DENND11: variants seen among roughly 807,000 people sequenced by gnomAD.
DENND11 encodes the protein DENN domain-containing protein 11.
A neutral mutation model predicts 49.2 loss-of-function variants in DENND11; 34 were observed. The ratio of observed to expected loss-of-function variants is 0.69; its 90% CI spans 0.53 to 0.92. DENND11 has a LOEUF of 0.92. DENND11 is among the 40% of genes least tolerant of loss of function. The pLI, the probability that DENND11 is intolerant of heterozygous loss-of-function variation, is 0.00. For missense variants in DENND11, 475 were observed against 581.6 expected, an observed-to-expected ratio of 0.82 and a Z score of 1.88; for synonymous variants, 238 against 230.3, an observed-to-expected ratio of 1.03 and a Z score of -0.30.
intron 7 of DENND11, 60 bp downstream of exon 7, chr7:141,664,844 C>G: frequency 6.5e-7 from 1 of 1,532,946 alleles, no homozygotes; most frequent in Non-Finnish European, 8.8e-7. Flanking sequence ...GCAGAGACCC[C>G]CATGCTGGAG....
chr7:141,666,505 C>T, intron 4 of DENND11, 80 bp from the exon 5 acceptor site: 1 of 1,332,508 alleles, frequency 7.5e-7, no homozygotes, highest in Non-Finnish European at 1.0e-6. Context: ...ATCTAATCTC[C>T]TTCTCTGAAA....
At chr7:141,688,559 A>G (rs1563003673) in intron 1 of DENND11, among the ~76,000 whole-genome samples, 1 of 152,240 alleles carries the variant, frequency 6.6e-6, no homozygotes, top group Non-Finnish European at 1.5e-5. Context: ...GAACAATGTT[A>G]TGTTTGTCAG....
chr7:141,700,258 G>A (rs566479846), intron 1 of DENND11, among the ~76,000 whole-genome samples: 7 of 152,250 alleles, frequency 4.6e-5, no homozygotes, highest in African/African-American at 1.4e-4. Flanking sequence ...CTGTTTACCT[G>A]TAAATGATGG....
In DENND11 at chr7:141,662,432, C is replaced by T; in HGVS notation, c.*224G>A. On this transcript the variant is annotated 3_prime_UTR_variant, in exon 9 of 9. Transcript: ENST00000536163. ...GACCAGCAGCTCTGGGAGAAAGTGG[C>T]AGATTCCAATATCCTAACATGGCAG... 2.4e-6 allele frequency: 1 copy of T among 421,078 alleles called. No individual in the cohort carries two copies. Among genetic ancestry groups the T allele is most frequent in the Non-Finnish European group, 4.2e-6 (1 of 240,456 alleles). 26.1% of individuals were successfully genotyped at this position (421,078 alleles called of 1,614,324 possible).
rs139962450 is a variant in DENND11 at position 141,679,589 on chromosome 7, G to A, written c.528-5369C>T. ...TAGCCAGGCGTGGTGACACATGCCT[G>A]TAATCCCAGCTACTCTGGAGGCTGA... On this transcript the variant is annotated intron_variant, in intron 3 of 8. Coordinates refer to ENST00000536163, the MANE Select transcript of DENND11 (RefSeq NM_001080392.2). Among the ~76,000 whole-genome samples, 81 of 152,018 alleles carry A rather than the reference G, an allele frequency of 5.3e-4. 1 individual carries two copies. Among genetic ancestry groups the A allele is most frequent in the African/African-American group, 1.7e-3 (72 of 41,442 alleles).
intron 2 of DENND11, 122 bp downstream of exon 2, chr7:141,686,437 T>A: frequency 1.5e-6 from 1 of 652,374 alleles, no homozygotes; most frequent in Non-Finnish European, 2.8e-6. Context: ...AAACTATCCA[T>A]GTATTTTCAA....
intron 3 of DENND11, among the ~76,000 whole-genome samples, chr7:141,683,199 G>A (rs1798174998): frequency 5.9e-5 from 9 of 151,798 alleles, no homozygotes; most frequent in Admixed American, 5.9e-4. Context: ...ATGCATCATG[G>A]GTATTCCTGG....
chr7:141,676,596 T>A (rs550317900), intron 3 of DENND11, among the ~76,000 whole-genome samples: 40 of 152,290 alleles, frequency 2.6e-4, no homozygotes, highest in African/African-American at 9.4e-4. Context: ...AAAATACAAA[T>A]TGGCAGTTCC....
chr7:141,672,305 G>C (rs1024103994), intron 4 of DENND11, among the ~76,000 whole-genome samples: 1 of 152,182 alleles, frequency 6.6e-6, no homozygotes, highest in Non-Finnish European at 1.5e-5. Flanking sequence ...ATCCCCTCTT[G>C]CTCTTGAGTA....
rs924477303 is a variant in DENND11 at position 141,660,359 on chromosome 7, C to T, written c.*2297G>A. ...CTGGCACGTTCTCCTCTGGGGCCAC[C>T]CATACCCTGGCCCTCTGCATGAGCA... On this transcript the variant is annotated 3_prime_UTR_variant, in exon 9 of 9. Coordinates refer to ENST00000536163, the MANE Select transcript of DENND11 (RefSeq NM_001080392.2). 1 of 152,216 alleles carries T rather than the reference C, an allele frequency of 6.6e-6. No homozygotes were observed. Among genetic ancestry groups the T allele is most frequent in the Non-Finnish European group, 1.5e-5 (1 of 68,076 alleles). The allele number at this position is 152,216 out of a possible 1,614,324, so 9.4% of individuals were successfully genotyped here.
rs545470791 is a variant in DENND11, at chr7:141,665,234, T to G, written c.905A>C (p.Asn302Thr). Residue 302 changes from asparagine (N) to threonine (T), a missense_variant, in exon 6 of 9, where the codon AAC (asparagine) becomes ACC (threonine). Asn to Thr is a moderately conservative substitution (Grantham distance 65). Transcript: ENST00000536163. ...CTCCAGGCTCTCGATGTCAGCCACG[T>G]TCACGTAGAAGAAAGGTTTGGACTC... ...IPESKPFFYV[N>T]VADIESLEVE... 3 of 1,613,552 alleles carry G rather than the reference T, an allele frequency of 1.9e-6. No individual in the cohort carries two copies. The East Asian group carries it at 6.7e-5, about 36-fold the overall frequency.
intron 4 of DENND11, among the ~76,000 whole-genome samples, chr7:141,670,506 A>C (rs990254060): frequency 6.6e-6 from 1 of 152,222 alleles, no homozygotes; most frequent in African/African-American, 2.4e-5. Flanking sequence ...CCATTGTATG[A>C]GGTATTATAA....
At chr7:141,669,806 G>A (rs1171260367) in intron 4 of DENND11, among the ~76,000 whole-genome samples, 2 of 127,322 alleles carry the variant, frequency 1.6e-5, no homozygotes, top group African/African-American at 5.2e-5. Context: ...TATCATACAT[G>A]CTATTTTTTT....
At chr7:141,663,737 G>C (rs1484924427) in intron 8 of DENND11, 2 of 156,660 alleles carry the variant, frequency 1.3e-5, no homozygotes, top group East Asian at 3.7e-4. Flanking sequence ...AGGTGGAAAG[G>C]CCCTGGCTTC....
In DENND11 at chr7:141,674,129, T is replaced by C; in HGVS notation, c.619A>G (p.Ser207Gly). 7 of 1,595,886 alleles carry C rather than the reference T, an allele frequency of 4.4e-6. No homozygotes were observed. The South Asian group carries it at 4.6e-5, about 10-fold the overall frequency. ...GVLHAGPGRG[S>G]SLPPVYWLPS... ...AGCCAGTAGACAGGGGGCAGGCTGCTGCCTCTGCCGGGACCAGCATGGAGC... is the reference window on the plus strand; with the variant it reads ...AGCCAGTAGACAGGGGGCAGGCTGCCGCCTCTGCCGGGACCAGCATGGAGC... The change falls in exon 4 of 9, where the codon AGC becomes GGC. Residue 207 changes from serine (S) to glycine (G), a missense_variant. Ser to Gly is a moderately conservative substitution (Grantham distance 56). Coordinates refer to ENST00000536163, the MANE Select transcript of DENND11 (RefSeq NM_001080392.2).
chr7:141,670,017 A>T (rs1417851105), intron 4 of DENND11, among the ~76,000 whole-genome samples: 1 of 150,500 alleles, frequency 6.6e-6, no homozygotes, highest in South Asian at 2.1e-4. Context: ...TCACCGTGTT[A>T]GCCAGGATGG....
Position 141,686,559 on chromosome 7 carries a change from A to G in DENND11, c.368T>C (p.Ile123Thr), listed in dbSNP as rs755255981. 5.6e-6 allele frequency: 9 copies of G among 1,597,252 alleles called. No individual in the cohort carries two copies. Among genetic ancestry groups the G allele is most frequent in the African/African-American group, 2.7e-5 (2 of 74,634 alleles). Residue 123 changes from isoleucine (I) to threonine (T), a missense_variant and splice_region_variant, in exon 2 of 9, where the codon ATC becomes ACC. Ile to Thr is a moderately conservative substitution (Grantham distance 89, BLOSUM62 -1). Transcript: ENST00000536163. ...SGSHKIQSDFIYFRKGPFFGL... is the reference protein window; with the variant it reads ...SGSHKIQSDFTYFRKGPFFGL... Reference sequence around the variant, plus strand: ...ATGACTCCAGTTCAGAAGTACTTACATGAAATCAGATTGGATTTTATGGGA... The same window carrying G: ...ATGACTCCAGTTCAGAAGTACTTACGTGAAATCAGATTGGATTTTATGGGA...
In DENND11 at chr7:141,698,836, CCTCT is replaced by C. The variant is rs1281917504; in HGVS notation, c.268+3046_268+3049del. On this transcript the variant is annotated intron_variant, in intron 1 of 8. Transcript: ENST00000536163. ...ATTCTCTTCTTCCTCTTTCACTCTC[CCTCT>C]CTCTCAGGCACACACACTGATTTGG... is the stretch of plus-strand genomic sequence containing the variant. Among the ~76,000 whole-genome samples the C allele has an allele frequency of 3.3e-5, 5 of 152,198 alleles. No homozygotes were observed. In the Middle Eastern group the frequency reaches 0.01, roughly 311 times the overall value.
intron 1 of DENND11, among the ~76,000 whole-genome samples, chr7:141,693,837 A>C (rs1237620458): frequency 1.3e-5 from 2 of 152,214 alleles, no homozygotes; most frequent in African/African-American, 4.8e-5. Context: ...GGAGGGATGA[A>C]TAGGTCAAGC....
Sources: gnomAD v4.1 joint callset for allele counts (sites outside exome capture counted in the v4.1 genomes callset) on GRCh38, gnomAD v4.1.1 for gene constraint, MANE v1.5 for transcripts, NCBI Gene and HGNC (gene_info 2026-07-23, HGNC 2026-07-21) for gene names.